Variants in USO1 observed in about 807,000 individuals in gnomAD.
USO1 encodes general vesicular transport factor p115.
In USO1, 57 loss-of-function variants were observed where a neutral mutation model predicts 124.5. The observed-to-expected ratio is 0.46, with a 90% CI of 0.37 to 0.57. The LOEUF (loss-of-function observed/expected upper bound fraction) is 0.57. Among genes scored for constraint, USO1 ranks in the 20% least tolerant of loss-of-function variants. The pLI is 0.00. For synonymous variants in USO1, 369 were observed against 362.8 expected (o/e 1.02, Z -0.19); for missense variants, 900 against 1,040.6 (o/e 0.86, Z 1.86).
chr4:75,745,398 TC>T (rs1460807175), intron 1 of USO1: 1 of 508,410 alleles, frequency 2.0e-6, no homozygotes, highest in East Asian at 5.6e-5. Context: ...ATTACTATGT[TC>T]CTTTGTTACT....
intron 4 of USO1, among the ~76,000 whole-genome samples, chr4:75,764,571 ATT>A (rs1223235938): frequency 3.9e-5 from 6 of 152,224 alleles, no homozygotes; most frequent in African/African-American, 1.2e-4. Context: ...ATATTTCAAC[ATT>A]TTAAAATACA....
intron 4 of USO1, among the ~76,000 whole-genome samples, chr4:75,760,424 T>C (rs1009276100): frequency 2.6e-5 from 4 of 152,210 alleles, no homozygotes; most frequent in Non-Finnish European, 4.4e-5. Context: ...TAAATCTCTT[T>C]TAGTATATCT....
chr4:75,725,635 G>A (rs1720408923), intron 1 of USO1, among the ~76,000 whole-genome samples: 1 of 151,690 alleles, frequency 6.6e-6, no homozygotes, highest in African/African-American at 2.4e-5. Flanking sequence ...AAAAAAAATG[G>A]TTAGCCGCTG....
intron 3 of USO1, chr4:75,755,582 A>G: frequency 2.1e-6 from 1 of 482,126 alleles, no homozygotes; most frequent in Non-Finnish European, 4.1e-6. Context: ...TGTCCATAAC[A>G]GTTAGGACCT....
intron 13 of USO1, among the ~76,000 whole-genome samples, chr4:75,797,461 G>C (rs1044671872): frequency 9.8e-6 from 1 of 102,412 alleles, no homozygotes; most frequent in African/African-American, 3.4e-5. Flanking sequence ...GCTTGTTCGT[G>C]ATCCATTATT....
intron 1 of USO1, among the ~76,000 whole-genome samples, chr4:75,747,880 G>A (rs1721173377): frequency 7.1e-6 from 1 of 141,242 alleles, no homozygotes; most frequent in Non-Finnish European, 1.5e-5. Context: ...CTCCCAGAGT[G>A]CTGAGCCACC....
At chr4:75,772,624 G>T (rs887878088) in intron 7 of USO1, among the ~76,000 whole-genome samples, 10 of 151,928 alleles carry the variant, frequency 6.6e-5, no homozygotes, top group Non-Finnish European at 1.5e-4. Flanking sequence ...TAGAAATTTG[G>T]GGTATCTTTC....
At chr4:75,729,993 T>C in intron 1 of USO1, 1 of 369,844 alleles carries the variant, frequency 2.7e-6, no homozygotes, top group Non-Finnish European at 5.3e-6. Flanking sequence ...CTGAAATTCC[T>C]ATTTGGGTTG....
Position 75,805,125 on chromosome 4 carries a change from A to G in USO1, c.2126-15A>G, listed in dbSNP as rs1294221046. ...GTTTCCCGTTGGCTTTTAAAATGTT[A>G]TGTCTGTCTAACAGGAAAAGACAAT... On this transcript the variant is annotated splice_polypyrimidine_tract_variant and intron_variant, in intron 18 of 23. Transcript: ENST00000514213. The G allele has an allele frequency of 2.6e-6, 4 of 1,548,170 alleles. No homozygotes were observed. The highest frequency in any genetic ancestry group is 4.4e-5 in the Admixed American group (2 of 45,272).
chr4:75,759,107 G>A lies in USO1; in HGVS notation c.295+1534G>A, dbSNP rs7656439. Among the ~76,000 whole-genome samples the A allele has an allele frequency of 4.0e-3, 613 of 151,554 alleles. 1 individual carries two copies. The highest frequency in any genetic ancestry group is 0.014 in the African/African-American group (568 of 41,342). On this transcript the variant is annotated intron_variant, in intron 4 of 23. Coordinates refer to ENST00000514213, the MANE Select transcript of USO1 (RefSeq NM_003715.4). ...GTGTAGCAACAATATTTTTTAGTTA[G>A]GAGGTTTTTTTTTAATAAATTTATA...
chr4:75,808,825 T>G, intron 20 of USO1, 128 bp from the exon 21 acceptor site: 1 of 1,085,510 alleles, frequency 9.2e-7, no homozygotes, highest in Non-Finnish European at 1.3e-6. Context: ...AATTCAAGAA[T>G]AGTTCTTTAG....
At chr4:75,744,108 C>T (rs1214244991) in intron 1 of USO1, among the ~76,000 whole-genome samples, 1 of 152,076 alleles carries the variant, frequency 6.6e-6, no homozygotes, top group African/African-American at 2.4e-5. Context: ...GATCCAACAG[C>T]CATAAAAGTA....
chr4:75,759,120 T>A (rs953606812), intron 4 of USO1, among the ~76,000 whole-genome samples: 9 of 152,018 alleles, frequency 5.9e-5, no homozygotes, highest in Admixed American at 2.0e-4. Flanking sequence ...GGTTTTTTTT[T>A]AATAAATTTA....
In USO1 at chr4:75,801,132, G is replaced by C. The variant is rs772113894; in HGVS notation, c.1918G>C (p.Glu640Gln). The C allele has an allele frequency of 3.7e-6, 6 of 1,607,976 alleles. No homozygotes were observed. Among genetic ancestry groups the C allele is most frequent in the Admixed American group, 3.4e-5 (2 of 59,168 alleles). Residue 640 changes from glutamate to glutamine, a missense_variant, in exon 17 of 24, where the codon GAG becomes CAG. Coordinates refer to ENST00000514213, the MANE Select transcript of USO1 (RefSeq NM_003715.4). Reference protein sequence around the residue: ...KSSEEDKKEEEVKKTLEQHDN... With the variant: ...KSSEEDKKEEQVKKTLEQHDN... ...CAGTGAAGAAGATAAAAAAGAAGAA[G>C]AGGTGAAAAAAACATTAGAACAGCA...
At position 75,762,489 on chromosome 4, in the gene USO1, C is replaced by T. The variant is rs115108473; in HGVS notation, c.295+4916C>T. Among the ~76,000 whole-genome samples, 901 of 151,806 alleles carry T rather than the reference C, an allele frequency of 5.9e-3. 15 individuals are homozygous for T. The highest frequency in any genetic ancestry group is 0.021 in the African/African-American group (855 of 41,420). ...AACAATATTTTTAAATACATTTTTT[C>T]CTTCCTTTTTTTTTTAAAGTATTTC... is the stretch of plus-strand genomic sequence containing the variant. On this transcript the variant is annotated intron_variant, in intron 4 of 23. Coordinates refer to ENST00000514213, the MANE Select transcript of USO1 (RefSeq NM_003715.4).
At chr4:75,798,666 GA>G in intron 13 of USO1, among the ~76,000 whole-genome samples, 1 of 152,134 alleles carries the variant, frequency 6.6e-6, no homozygotes, top group Non-Finnish European at 1.5e-5. Context: ...TGTGAAATTA[GA>G]ATAGTCTGGG....
intron 1 of USO1, among the ~76,000 whole-genome samples, chr4:75,751,312 A>G (rs1721292492): frequency 6.6e-6 from 1 of 150,678 alleles, no homozygotes; most frequent in Non-Finnish European, 1.5e-5. Context: ...GCCAGGTTCA[A>G]GCAATTCTTC....
chr4:75,771,640 A>G (rs1721936794), intron 7 of USO1, among the ~76,000 whole-genome samples: 2 of 152,226 alleles, frequency 1.3e-5, no homozygotes, highest in Non-Finnish European at 2.9e-5. Flanking sequence ...AACCCAACAA[A>G]GCATTATATT....
At chr4:75,767,759 G>A (rs1275452913) in intron 4 of USO1, among the ~76,000 whole-genome samples, 1 of 152,218 alleles carries the variant, frequency 6.6e-6, no homozygotes, top group Non-Finnish European at 1.5e-5. Flanking sequence ...TACTGTAGCT[G>A]TATAATAAAT....
Sources: gnomAD v4.1 joint callset for allele counts (sites outside exome capture counted in the v4.1 genomes callset) on GRCh38, gnomAD v4.1.1 for gene constraint, MANE v1.5 for transcripts, NCBI Gene and HGNC (gene_info 2026-07-23, HGNC 2026-07-21) for gene names.